The following SUB1 variants were observed in gnomAD, a reference collection of about 807,000 sequenced individuals.
The protein encoded by SUB1 is SUB1 regulator of transcription.
SUB1 carries 1 observed loss-of-function variant against 16.9 expected under a neutral mutation model. The ratio of observed to expected loss-of-function variants is 0.06; its 90% CI spans 0.02 to 0.28. The LOEUF is 0.28. SUB1 is among the 10% of genes least tolerant of loss of function. The pLI, the probability that SUB1 is intolerant of heterozygous loss-of-function variation, is 1.00. For missense variants in SUB1, 84 were observed against 145.2 expected (o/e 0.58, Z 2.16); for synonymous variants, 51 against 46.9 (o/e 1.09, Z -0.36).
rs902779496 is a variant in SUB1, at chr5:32,603,991, T to C, written c.*2907T>C. On this transcript the variant is annotated 3_prime_UTR_variant, in exon 5 of 5. Coordinates refer to ENST00000265073, the MANE Select transcript of SUB1 (RefSeq NM_006713.4). ...CTGTAATTGTGGAATGCTTGTATGCTTTGTTTTCGTACATCTTCCATGGAG... is the reference window on the plus strand; with the variant it reads ...CTGTAATTGTGGAATGCTTGTATGCCTTGTTTTCGTACATCTTCCATGGAG... The C allele has an allele frequency of 1.3e-5, 2 of 152,200 alleles. No individual in the cohort carries two copies. Among genetic ancestry groups the C allele is most frequent in the African/African-American group, 4.8e-5 (2 of 41,460 alleles). 9.4% of individuals were successfully genotyped at this position (152,200 alleles called of 1,614,324 possible).
chr5:32,597,843 A>G (rs921696901), intron 3 of SUB1: 12 of 152,352 alleles, frequency 7.9e-5, no homozygotes, highest in Middle Eastern at 3.4e-3. Context: ...TATTCTTACA[A>G]TAAAGTAAGC....
chr5:32,600,352 T>C (rs1462986055), intron 4 of SUB1, among the ~76,000 whole-genome samples: 1 of 152,220 alleles, frequency 6.6e-6, no homozygotes, highest in African/African-American at 2.4e-5. Flanking sequence ...TGGAACCAGC[T>C]GGAAATATAG....
rs1021125510 is a variant in SUB1, at chr5:32,603,468, C to T, written c.*2384C>T. On this transcript the variant is annotated 3_prime_UTR_variant, in exon 5 of 5. Transcript: ENST00000265073. ...ATCAGGGCTTTCTAATGGGTTTTTC[C>T]TCTTCGTTTTTAAAATGTGAGTAGC... 6.6e-6 allele frequency: 1 copy of T among 151,904 alleles called. No homozygotes were observed. The highest frequency in any genetic ancestry group is 2.1e-4 in the South Asian group (1 of 4,824). The allele number at this position is 151,904 out of a possible 1,614,324, so 9.4% of individuals were successfully genotyped here.
intron 3 of SUB1, 127 bp from the exon 4 acceptor site, chr5:32,598,834 G>C (rs1739046216): frequency 1.0e-5 from 7 of 698,714 alleles, no homozygotes; most frequent in Admixed American, 5.5e-5. Context: ...GTTGTTCAAG[G>C]GTCAGCAGTA....
chr5:32,586,293 T>A (rs1319496868), intron 1 of SUB1: 1 of 152,242 alleles, frequency 6.6e-6, no homozygotes, highest in Admixed American at 6.5e-5. Context: ...GTCACCTTCC[T>A]GTTATACCGA....
chr5:32,600,338 A>G (rs192458823), intron 4 of SUB1, among the ~76,000 whole-genome samples: 1 of 152,340 alleles, frequency 6.6e-6, no homozygotes, highest in African/African-American at 2.4e-5. Context: ...TTTTGGGCAA[A>G]TATTGGAACC....
intron 2 of SUB1, among the ~76,000 whole-genome samples, chr5:32,589,926 G>A (rs1738774838): frequency 6.6e-6 from 1 of 152,044 alleles, no homozygotes; most frequent in Admixed American, 6.6e-5. Context: ...GATTGGAGAA[G>A]TTGCAACCTT....
chr5:32,595,522 T>G (rs922314649), intron 3 of SUB1: 3 of 152,378 alleles, frequency 2.0e-5, no homozygotes, highest in East Asian at 1.9e-4. Flanking sequence ...CTGAGTAGTA[T>G]TTTGTATGAT....
intron 2 of SUB1, 48 bp from the exon 3 acceptor site, chr5:32,591,515 G>T (rs745456726): frequency 7.1e-6 from 11 of 1,545,170 alleles, no homozygotes; most frequent in African/African-American, 1.4e-5. Context: ...TGACACTGGG[G>T]TATGTTTTAT....
intron 2 of SUB1, among the ~76,000 whole-genome samples, chr5:32,589,358 A>T (rs1738759417): frequency 6.6e-6 from 1 of 152,124 alleles, no homozygotes; most frequent in Non-Finnish European, 1.5e-5. Flanking sequence ...AAGTGCTGGG[A>T]TTACAGGTGT....
chr5:32,596,042 A>G (rs548856659), intron 3 of SUB1: 1 of 152,342 alleles, frequency 6.6e-6, no homozygotes, highest in African/African-American at 2.4e-5. Context: ...AGTATAATTA[A>G]TATTTTTTTT....
At position 32,602,165 on chromosome 5, in the gene SUB1, A is replaced by G. The variant is rs1461925977; in HGVS notation, c.*1081A>G. 1 of 451,098 alleles carries G rather than the reference A, an allele frequency of 2.2e-6. No homozygotes were observed. Among genetic ancestry groups the G allele is most frequent in the Non-Finnish European group, 4.4e-6 (1 of 225,326 alleles). The allele number at this position is 451,098 out of a possible 1,614,324, so 27.9% of individuals were successfully genotyped here. ...ATACTAAGTTTTAGCAGACACTAGT[A>G]AGTGGTTTGTATTTAACCATACTGA... On this transcript the variant is annotated 3_prime_UTR_variant, in exon 5 of 5. Transcript: ENST00000265073.
intron 3 of SUB1, among the ~76,000 whole-genome samples, chr5:32,594,054 A>G (rs984661820): frequency 6.6e-6 from 1 of 152,188 alleles, no homozygotes; most frequent in African/African-American, 2.4e-5. Flanking sequence ...AAATAATATG[A>G]TACTTAATTT....
At chr5:32,596,829 A>G (rs962083261) in intron 3 of SUB1, 3 of 152,178 alleles carry the variant, frequency 2.0e-5, no homozygotes. Flanking sequence ...GGAAAGTGCT[A>G]AGAGACACTT....
In SUB1 at chr5:32,601,677, A is replaced by G. The variant is rs1182582146; in HGVS notation, c.*593A>G. 1 of 152,974 alleles carries G rather than the reference A, an allele frequency of 6.5e-6. No homozygotes were observed. The highest frequency in any genetic ancestry group is 1.9e-4 in the East Asian group (1 of 5,218). 9.5% of individuals were successfully genotyped at this position (152,974 alleles called of 1,614,324 possible). A position where few individuals can be genotyped will look rare whatever the true frequency, so the allele number is the denominator to read the frequency against. On this transcript the variant is annotated 3_prime_UTR_variant, in exon 5 of 5. Coordinates refer to ENST00000265073, the MANE Select transcript of SUB1 (RefSeq NM_006713.4). ...AAGTCAGTGAAACTGTCAAAATGTTATCTCAATAAGATACTTATATGAGAA... is the reference window on the plus strand; with the variant it reads ...AAGTCAGTGAAACTGTCAAAATGTTGTCTCAATAAGATACTTATATGAGAA...
intron 3 of SUB1, among the ~76,000 whole-genome samples, chr5:32,594,093 A>G (rs915934234): frequency 1.3e-5 from 2 of 152,226 alleles, no homozygotes; most frequent in African/African-American, 4.8e-5. Context: ...ATGTACATCA[A>G]ACATCAATAC....
chr5:32,598,857 A>AT, intron 3 of SUB1, 104 bp from the exon 4 acceptor site: 1 of 834,408 alleles, frequency 1.2e-6, no homozygotes, highest in Non-Finnish European at 1.9e-6. Context: ...CATTTTCATG[A>AT]TTAGATGTAG....
At chr5:32,598,864 G>A (rs1341798687) in intron 3 of SUB1, 97 bp from the exon 4 acceptor site, 9 of 896,052 alleles carry the variant, frequency 1.0e-5, no homozygotes, top group Non-Finnish European at 1.3e-5. Flanking sequence ...ATGATTAGAT[G>A]TAGAGTGAGC....
intron 4 of SUB1, among the ~76,000 whole-genome samples, chr5:32,599,833 C>T (rs561066651): frequency 2.6e-5 from 4 of 151,290 alleles, no homozygotes; most frequent in Admixed American, 2.6e-4. Flanking sequence ...TCTTTTTTTT[C>T]AATTTCATGG....
Sources: allele counts gnomAD v4.1 joint callset (sites outside exome capture counted in the v4.1 genomes callset), GRCh38; gene constraint gnomAD v4.1.1; transcripts MANE v1.5; gene names NCBI Gene and HGNC (gene_info 2026-07-23, HGNC 2026-07-21).